Variants in TSHZ2 observed in about 807,000 individuals in gnomAD.
The protein encoded by TSHZ2 is teashirt zinc finger homeobox 2.
A neutral mutation model predicts 74.4 loss-of-function variants in TSHZ2; 21 were observed. The observed-to-expected ratio is 0.28, with a 90% confidence interval of 0.20 to 0.41. TSHZ2 has a LOEUF of 0.41. Ranked by LOEUF, TSHZ2 falls within the 10% of genes least tolerant of loss-of-function variation. The pLI, the probability that TSHZ2 is intolerant of heterozygous loss-of-function variation, is 1.00. For missense variants in TSHZ2, 1,244 were observed against 1,293.5 expected (o/e 0.96, Z 0.59); for synonymous variants, 540 against 515.3 (o/e 1.05, Z -0.65).
intron 1 of TSHZ2, among the ~76,000 whole-genome samples, chr20:53,106,909 G>A (rs1035320310): frequency 2.0e-5 from 3 of 150,364 alleles, no homozygotes; most frequent in Non-Finnish European, 4.4e-5. Flanking sequence ...TATTGGCCGG[G>A]GTGATCTTGA....
At chr20:53,142,595 G>A (rs542946823) in intron 1 of TSHZ2, among the ~76,000 whole-genome samples, 54 of 152,220 alleles carry the variant, frequency 3.5e-4, no homozygotes, top group Non-Finnish European at 5.6e-4. Context: ...CAGCACACAT[G>A]TTCAGATATT....
intron 1 of TSHZ2, among the ~76,000 whole-genome samples, chr20:53,172,165 A>C (rs973645268): frequency 3.3e-5 from 5 of 152,234 alleles, no homozygotes; most frequent in African/African-American, 1.2e-4. Context: ...TTAAACTCTG[A>C]ACCATATCAA....
At chr20:53,200,914 C>T (rs1347124047) in intron 1 of TSHZ2, among the ~76,000 whole-genome samples, 1 of 151,928 alleles carries the variant, frequency 6.6e-6, no homozygotes, top group Non-Finnish European at 1.5e-5. Flanking sequence ...TTAGATGAAG[C>T]AAGATTGTCC....
intron 2 of TSHZ2, among the ~76,000 whole-genome samples, chr20:53,265,425 A>G (rs899585659): frequency 4.0e-5 from 6 of 151,714 alleles, no homozygotes; most frequent in East Asian, 3.9e-4. Flanking sequence ...ATGGCAGGGG[A>G]GTTAGGAAGG....
At chr20:53,374,460 ATG>A (rs1325733863) in intron 2 of TSHZ2, among the ~76,000 whole-genome samples, 1 of 152,176 alleles carries the variant, frequency 6.6e-6, no homozygotes, top group Non-Finnish European at 1.5e-5. Flanking sequence ...ATATGTGTGT[ATG>A]TGTCTTTATG....
At chr20:53,124,510 G>A (rs190549034) in intron 1 of TSHZ2, among the ~76,000 whole-genome samples, 2 of 152,334 alleles carry the variant, frequency 1.3e-5, no homozygotes, top group Non-Finnish European at 2.9e-5. Flanking sequence ...CTAGCATCAG[G>A]AGGAGCTCTC....
At chr20:53,338,098 G>A (rs1980030197) in intron 2 of TSHZ2, among the ~76,000 whole-genome samples, 1 of 152,170 alleles carries the variant, frequency 6.6e-6, no homozygotes, top group Non-Finnish European at 1.5e-5. Flanking sequence ...GAAGTCAAAC[G>A]TGGTCCTGCA....
intron 2 of TSHZ2, among the ~76,000 whole-genome samples, chr20:53,345,512 A>G (rs999138921): frequency 6.6e-6 from 1 of 152,080 alleles, no homozygotes; most frequent in Admixed American, 6.5e-5. Flanking sequence ...AACTCCTACT[A>G]TCATAAGCAT....
intron 1 of TSHZ2, among the ~76,000 whole-genome samples, chr20:53,105,900 C>A (rs1488173312): frequency 6.6e-6 from 1 of 152,190 alleles, no homozygotes; most frequent in Admixed American, 6.5e-5. Flanking sequence ...CTGCCCACCT[C>A]AGCATCCCAA....
At chr20:53,085,004 A>G (rs531039788) in intron 1 of TSHZ2, among the ~76,000 whole-genome samples, 1 of 152,234 alleles carries the variant, frequency 6.6e-6, no homozygotes, top group South Asian at 2.1e-4. Context: ...GGATAATAAT[A>G]CCTGCTTTAT....
intron 1 of TSHZ2, among the ~76,000 whole-genome samples, chr20:53,126,902 G>C (rs1208017297): frequency 6.6e-6 from 1 of 152,130 alleles, no homozygotes; most frequent in Non-Finnish European, 1.5e-5. Flanking sequence ...GTGAGAGGTA[G>C]AGATAAATCT....
chr20:53,040,477 G>T (rs1600660966), intron 1 of TSHZ2, among the ~76,000 whole-genome samples: 2 of 152,246 alleles, frequency 1.3e-5, no homozygotes, highest in East Asian at 1.9e-4. Flanking sequence ...GGGTGGCATG[G>T]ATAAATGAAT....
intron 1 of TSHZ2, among the ~76,000 whole-genome samples, chr20:53,122,504 T>G (rs981921555): frequency 4.6e-5 from 7 of 152,106 alleles, no homozygotes; most frequent in African/African-American, 1.7e-4. Flanking sequence ...GGCTTCAATT[T>G]TAATCTTTTA....
chr20:52,997,399 A>T (rs1258910128), intron 1 of TSHZ2, among the ~76,000 whole-genome samples: 1 of 152,218 alleles, frequency 6.6e-6, no homozygotes, highest in African/African-American at 2.4e-5. Flanking sequence ...CTGCTCGGAC[A>T]TCAACAGCAA....
chr20:53,433,867 T>C (rs1221976292), intron 2 of TSHZ2, among the ~76,000 whole-genome samples: 1 of 152,168 alleles, frequency 6.6e-6, no homozygotes, highest in Non-Finnish European at 1.5e-5. Context: ...TAAAATGGGC[T>C]TTATGAAATG....
At chr20:53,097,392 A>G (rs1986085806) in intron 1 of TSHZ2, among the ~76,000 whole-genome samples, 1 of 151,194 alleles carries the variant, frequency 6.6e-6, no homozygotes, top group South Asian at 2.1e-4. Flanking sequence ...GACTGTTATT[A>G]GCAACTCTGA....
chr20:53,344,563 T>C (rs1980360088), intron 2 of TSHZ2, among the ~76,000 whole-genome samples: 1 of 151,958 alleles, frequency 6.6e-6, no homozygotes, highest in Non-Finnish European at 1.5e-5. Flanking sequence ...AGAGAGCGAA[T>C]GACAAAGAGA....
At chr20:53,478,634 C>T (rs1215798638) in intron 2 of TSHZ2, among the ~76,000 whole-genome samples, 1 of 151,192 alleles carries the variant, frequency 6.6e-6, no homozygotes, top group Non-Finnish European at 1.5e-5. Flanking sequence ...ACACAATGTG[C>T]ACATGTACCC....
chr20:53,179,480 A>G (rs1988421869), intron 1 of TSHZ2: 1 of 152,208 alleles, frequency 6.6e-6, no homozygotes, highest in Non-Finnish European at 1.5e-5. Flanking sequence ...GGATCCAGAG[A>G]AGTCATAGGT....
Sources: gnomAD v4.1 joint callset for allele counts (sites outside exome capture counted in the v4.1 genomes callset) on GRCh38, gnomAD v4.1.1 for gene constraint, MANE v1.5 for transcripts, NCBI Gene and HGNC (gene_info 2026-07-23, HGNC 2026-07-21) for gene names.